The following CSMD1 variants were observed in gnomAD, a reference collection of about 807,000 sequenced individuals.
CSMD1 encodes the protein CUB and sushi domain-containing protein 1.
CSMD1 carries 213 observed loss-of-function variants against 417.5 expected under a neutral mutation model. The ratio of observed to expected loss-of-function variants is 0.51; its 90% CI spans 0.46 to 0.57. The LOEUF (loss-of-function observed/expected upper bound fraction) is 0.57, where lower values mean the gene tolerates loss of function less well. Ranked by LOEUF, CSMD1 falls within the 20% of genes least tolerant of loss-of-function variation. The pLI, the probability that CSMD1 is intolerant of heterozygous loss-of-function variation, is 0.00. For missense variants in CSMD1, 6,923 were observed against 4,529.7 expected (o/e 1.53, Z -15.17); for synonymous variants, 2,862 against 1,736.8 (o/e 1.65, Z -16.11).
At chr8:3,678,896 G>C (rs1434639601) in intron 7 of CSMD1, among the ~76,000 whole-genome samples, 2 of 152,266 alleles carry the variant, frequency 1.3e-5, no homozygotes, top group African/African-American at 2.4e-5. Flanking sequence ...CATTCTTAAA[G>C]AAAACAATTT....
chr8:4,222,236 G>C lies in CSMD1; in HGVS notation c.416-190137C>G, dbSNP rs374494860. Among the ~76,000 whole-genome samples, 75 of 152,244 alleles carry C rather than the reference G, an allele frequency of 4.9e-4. No individual in the cohort carries two copies. In the East Asian group the frequency reaches 9.9e-3, roughly 20 times the overall value. ...TCAAGATTCCTGTAACACGCAGAAA[G>C]TTATGATGGGTCAGCTAATCTTTTC... On this transcript the variant is annotated intron_variant, in intron 3 of 69. Transcript: ENST00000635120.
At chr8:3,145,771 A>G (rs1399855059) in intron 40 of CSMD1, among the ~76,000 whole-genome samples, 1 of 152,218 alleles carries the variant, frequency 6.6e-6, no homozygotes, top group Non-Finnish European at 1.5e-5. Flanking sequence ...TGTCTCAGAG[A>G]GTACTAAAGC....
chr8:4,582,518 G>C (rs1196451015), intron 2 of CSMD1, among the ~76,000 whole-genome samples: 1 of 152,170 alleles, frequency 6.6e-6, no homozygotes, highest in Non-Finnish European at 1.5e-5. Context: ...ACTAAGTCCT[G>C]TAGTCTCACA....
intron 2 of CSMD1, among the ~76,000 whole-genome samples, chr8:4,422,292 A>G (rs946798092): frequency 7.9e-5 from 12 of 152,054 alleles, no homozygotes; most frequent in Admixed American, 3.9e-4. Context: ...ATTTTGTGGC[A>G]TTGACACTAC....
rs958841387 is a variant in CSMD1 at position 4,450,990 on chromosome 8, G to C, written c.303-30925C>G. On this transcript the variant is annotated intron_variant, in intron 2 of 69. Transcript: ENST00000635120. Reference sequence around the variant, plus strand: ...ACGTATTATATTTGGGTACTGAATTGACAGCTAAGCTTTCTGTTGACCAAC... The same window carrying C: ...ACGTATTATATTTGGGTACTGAATTCACAGCTAAGCTTTCTGTTGACCAAC... 4.7e-5 allele frequency among the ~76,000 whole-genome samples: 7 copies of C among 150,288 alleles called. No homozygotes were observed. The East Asian group carries it at 7.8e-4, about 17-fold the overall frequency.
chr8:4,945,039 G>A (rs1808277231), intron 1 of CSMD1, among the ~76,000 whole-genome samples: 1 of 152,070 alleles, frequency 6.6e-6, no homozygotes, highest in African/African-American at 2.4e-5. Context: ...GCAAAAGGTG[G>A]TCTCTTCACA....
chr8:4,538,349 T>G lies in CSMD1; in HGVS notation c.302+98993A>C, dbSNP rs977105392. ...CATATTTTCTCTTCAGGTCTAACTT[T>G]TTTTTTTAAAAGGCTGGGTGCGATG... On this transcript the variant is annotated intron_variant, in intron 2 of 69. Coordinates refer to ENST00000635120, the MANE Select transcript of CSMD1 (RefSeq NM_033225.6). Among the ~76,000 whole-genome samples, 4 of 152,234 alleles carry G rather than the reference T, an allele frequency of 2.6e-5. No homozygotes were observed. In the East Asian group the frequency reaches 7.7e-4, roughly 29 times the overall value.
intron 1 of CSMD1, among the ~76,000 whole-genome samples, chr8:4,662,462 C>G (rs1804665158): frequency 6.6e-6 from 1 of 152,078 alleles, no homozygotes; most frequent in Admixed American, 6.6e-5. Flanking sequence ...TTTATTTTCT[C>G]CAGTGAAGCA....
chr8:3,316,038 G>T (rs746102438), intron 23 of CSMD1, among the ~76,000 whole-genome samples: 1 of 152,124 alleles, frequency 6.6e-6, no homozygotes, highest in Admixed American at 6.5e-5. Flanking sequence ...TTACCACTAT[G>T]CACGTATGTT....
chr8:4,728,131 A>T (rs1357288770), intron 1 of CSMD1, among the ~76,000 whole-genome samples: 2 of 146,968 alleles, frequency 1.4e-5, no homozygotes, highest in Non-Finnish European at 3.0e-5. Context: ...TAGACATAAG[A>T]TCATACCTAT....
At chr8:4,852,884 CTAGG>C (rs1203595535) in intron 1 of CSMD1, among the ~76,000 whole-genome samples, 1 of 152,096 alleles carries the variant, frequency 6.6e-6, no homozygotes, top group Non-Finnish European at 1.5e-5. Context: ...TTTTCAGGCC[CTAGG>C]AATCTGTGGA....
chr8:3,449,374 G>A (rs1260948831), intron 12 of CSMD1, among the ~76,000 whole-genome samples: 1 of 152,212 alleles, frequency 6.6e-6, no homozygotes, highest in African/African-American at 2.4e-5. Context: ...ATGTGACAAT[G>A]TCTCATGGGT....
chr8:4,098,363 A>T (rs1044587777), intron 3 of CSMD1, among the ~76,000 whole-genome samples: 1 of 151,684 alleles, frequency 6.6e-6, no homozygotes. Context: ...GATCTTCACT[A>T]TTTTTTTTCT....
intron 3 of CSMD1, among the ~76,000 whole-genome samples, chr8:4,199,384 G>A (rs895146809): frequency 1.3e-5 from 2 of 152,120 alleles, no homozygotes; most frequent in African/African-American, 4.8e-5. Context: ...TGCATAGTGT[G>A]GTGGAGTGAA....
At chr8:2,964,234 C>A (rs682812) in intron 59 of CSMD1, among the ~76,000 whole-genome samples, 2 of 152,236 alleles carry the variant, frequency 1.3e-5, no homozygotes, top group Admixed American at 1.3e-4. Context: ...TGCCTTCTCA[C>A]GTGAGAAAGA....
intron 5 of CSMD1, among the ~76,000 whole-genome samples, chr8:3,900,088 G>T (rs1007255311): frequency 4.0e-5 from 6 of 151,812 alleles, no homozygotes; most frequent in African/African-American, 1.2e-4. Flanking sequence ...CAGTGCAGCT[G>T]TGTGATGGTG....
chr8:4,524,073 G>T (rs982560595), intron 2 of CSMD1, among the ~76,000 whole-genome samples: 1 of 151,890 alleles, frequency 6.6e-6, no homozygotes, highest in South Asian at 2.1e-4. Context: ...TAGAATGAAC[G>T]AACAACTAGA....
intron 18 of CSMD1, among the ~76,000 whole-genome samples, chr8:3,384,653 T>A (rs549163126): frequency 6.5e-5 from 9 of 137,836 alleles, no homozygotes; most frequent in Non-Finnish European, 9.2e-5. Flanking sequence ...TATATACATA[T>A]AAATTAATAT....
intron 12 of CSMD1, among the ~76,000 whole-genome samples, chr8:3,446,594 C>A (rs148546306): frequency 5.3e-4 from 81 of 152,266 alleles, no homozygotes; most frequent in African/African-American, 1.8e-3. Flanking sequence ...TAAACAGATT[C>A]TCCTAACAAA....
Sources: allele counts gnomAD v4.1 joint callset (sites outside exome capture counted in the v4.1 genomes callset), GRCh38; gene constraint gnomAD v4.1.1; transcripts MANE v1.5; gene names NCBI Gene and HGNC (gene_info 2026-07-23, HGNC 2026-07-21).